ABCF1: variants seen among roughly 807,000 people sequenced by gnomAD.
The protein encoded by ABCF1 is ATP-binding cassette sub-family F member 1.
Under a neutral mutation model 126.3 loss-of-function variants are expected in ABCF1, and 73 were observed. The ratio of observed to expected loss-of-function variants is 0.58; its 90% CI spans 0.48 to 0.70. The LOEUF (loss-of-function observed/expected upper bound fraction) is 0.70. Among genes scored for constraint, ABCF1 ranks in the 30% least tolerant of loss-of-function variants. The pLI, the probability that ABCF1 is intolerant of heterozygous loss-of-function variation, is 0.00. For missense variants in ABCF1, 786 were observed against 1,057.5 expected, an observed-to-expected ratio of 0.74 and a Z score of 3.56; for synonymous variants, 345 against 396.4, an observed-to-expected ratio of 0.87 and a Z score of 1.54.
Position 30,583,510 on chromosome 6 carries a change from G to A in ABCF1, c.916-98G>A, listed in dbSNP as rs1213793868. 3.8e-6 allele frequency: 5 copies of A among 1,304,250 alleles called. No homozygotes were observed. Among genetic ancestry groups the A allele is most frequent in the Non-Finnish European group, 5.5e-6 (5 of 910,724 alleles). The allele number at this position is 1,304,250 out of a possible 1,614,324, so 80.8% of individuals were successfully genotyped here. The stretch of plus-strand genomic sequence containing the variant: ...ATGCTGGAGGTAGCGGTTTGTCAGA[G>A]GCTTCCCTGCAGGGAGAAAGTGGCC... On this transcript the variant is annotated intron_variant, in intron 10 of 24. Transcript: ENST00000326195. This position sits in a 1 kb window ranked among gnomAD's most constrained non-coding sequence, Gnocchi z 4.1.
intron 1 of ABCF1, 134 bp from the exon 2 acceptor site, chr6:30,577,275 C>A: frequency 1.3e-6 from 1 of 780,324 alleles, no homozygotes; most frequent in Non-Finnish European, 2.0e-6. Flanking sequence ...TGAGACAGTA[C>A]AAATATTTAA....
chr6:30,586,333 A>G lies in ABCF1; in HGVS notation c.1885+28A>G. ...GAGTGCCGCGGGCCTCTGCTGCTCC[A>G]CAGGAAGCACCGGAAGCATGTATGT... On this transcript the variant is annotated intron_variant, in intron 18 of 24. Coordinates refer to ENST00000326195, the MANE Select transcript of ABCF1 (RefSeq NM_001025091.2). The surrounding 1 kb of genome is among the most constrained non-coding windows in gnomAD (Gnocchi z 4.9). 1 of 1,600,370 alleles carries G rather than the reference A, an allele frequency of 6.2e-7. No individual in the cohort carries two copies. Among genetic ancestry groups the G allele is most frequent in the Non-Finnish European group, 8.5e-7 (1 of 1,172,610 alleles).
chr6:30,579,455 ATTTTTT>A (rs9281009), intron 6 of ABCF1, among the ~76,000 whole-genome samples: 3 of 112,128 alleles, frequency 2.7e-5, no homozygotes, highest in East Asian at 2.5e-4. Context: ...AGTTGGAACT[ATTTTTT>A]TTTTTTTTTT....
In ABCF1 at chr6:30,583,218, A is replaced by G. The variant is rs1313363557; in HGVS notation, c.915+30A>G. The G allele has an allele frequency of 2.9e-5, 46 of 1,585,314 alleles. No individual in the cohort carries two copies. The highest frequency in any genetic ancestry group is 3.7e-5 in the Non-Finnish European group (43 of 1,159,468). ...GGTCTCAAGGGGCCCCTTCCAGTCC[A>G]CTTACCTAGGGAAGAGCCAGTTCTC... On this transcript the variant is annotated intron_variant, in intron 10 of 24. Transcript: ENST00000326195. This position sits in a 1 kb window ranked among gnomAD's most constrained non-coding sequence, Gnocchi z 4.1.
At chr6:30,579,298 C>T (rs1319195166) in intron 6 of ABCF1, among the ~76,000 whole-genome samples, 1 of 151,968 alleles carries the variant, frequency 6.6e-6, no homozygotes, top group Non-Finnish European at 1.5e-5. Flanking sequence ...TTCTGGGTCT[C>T]ATTTTTCGTC....
chr6:30,587,731 C>G (rs1802224434), intron 20 of ABCF1, among the ~76,000 whole-genome samples: 1 of 151,762 alleles, frequency 6.6e-6, no homozygotes, highest in Admixed American at 6.6e-5. Context: ...CGACTGTAGT[C>G]CCAGCTACTC....
rs1432392472 is a variant in ABCF1, at chr6:30,586,186, A to G, written c.1766A>G (p.Lys589Arg). 1 of 1,613,942 alleles carries G rather than the reference A, an allele frequency of 6.2e-7. No individual in the cohort carries two copies. Among genetic ancestry groups the G allele is most frequent in the Non-Finnish European group, 8.5e-7 (1 of 1,179,968 alleles). The change falls in exon 18 of 25, where the codon AAA becomes AGA. Residue 589 changes from lysine (K) to arginine (R), a missense_variant. By Grantham distance (26) the Lys-to-Arg change is conservative. This residue lies in a region of ABCF1 where 288 missense variants were observed against 423.5 expected (regional missense o/e 0.68). Transcript: ENST00000326195. This position sits in a 1 kb window ranked among gnomAD's most constrained non-coding sequence, Gnocchi z 4.9. ...CGGAAGCAGCAGAAATGCCGACGGA[A>G]AAACCAAGATGAGGAATCCCAGGAG... is the stretch of plus-strand genomic sequence containing the variant. ...LTRKQQKCRR[K>R]NQDEESQEAP...
chr6:30,585,811 A>G, intron 16 of ABCF1, 68 bp from the exon 17 acceptor site: 3 of 1,555,930 alleles, frequency 1.9e-6, no homozygotes, highest in Non-Finnish European at 2.6e-6. Flanking sequence ...CATCACCACC[A>G]GTCCCTGGTT....
chr6:30,586,810 TA>T lies in ABCF1; in HGVS notation c.2031+102del, dbSNP rs377421779. ...AGGGAGCCTCTCGAGAATGTAGAGT[TA>T]AATACAGAACTCATGATAGATGATT... On this transcript the variant is annotated intron_variant, in intron 20 of 24. Coordinates refer to ENST00000326195, the MANE Select transcript of ABCF1 (RefSeq NM_001025091.2). The surrounding 1 kb of genome is among the most constrained non-coding windows in gnomAD (Gnocchi z 4.9). 1.5e-3 allele frequency: 1,903 copies of T among 1,285,916 alleles called. 22 individuals are homozygous for T. The African/African-American group carries it at 0.022, about 15-fold the overall frequency. The allele number at this position is 1,285,916 out of a possible 1,614,324, so 79.7% of individuals were successfully genotyped here. A position where few individuals can be genotyped will look rare whatever the true frequency, so the allele number is the denominator to read the frequency against.
chr6:30,579,015 A>G (rs1184078368), intron 6 of ABCF1, among the ~76,000 whole-genome samples: 1 of 152,032 alleles, frequency 6.6e-6, no homozygotes, highest in African/African-American at 2.4e-5. Context: ...AAAAACAACA[A>G]AAAAAACCAT....
intron 8 of ABCF1, among the ~76,000 whole-genome samples, chr6:30,580,891 G>A (rs1801783912): frequency 6.6e-6 from 1 of 151,832 alleles, no homozygotes; most frequent in African/African-American, 2.4e-5. Context: ...GCTCAGGCTG[G>A]TCTTGAATTT....
chr6:30,589,571 C>T (rs1204898139), intron 20 of ABCF1, 117 bp from the exon 21 acceptor site: 13 of 1,261,578 alleles, frequency 1.0e-5, no homozygotes, highest in East Asian at 2.4e-5. Flanking sequence ...CCACTGCACT[C>T]CAGCCTGGGG....
intron 20 of ABCF1, 87 bp from the exon 21 acceptor site, chr6:30,589,601 T>TC: frequency 8.5e-7 from 1 of 1,175,260 alleles, no homozygotes; most frequent in Non-Finnish European, 1.2e-6. Context: ...AGACTCCGTC[T>TC]CAAAAAAAAA....
intron 7 of ABCF1, 132 bp downstream of exon 7, chr6:30,580,137 G>T (rs1012851963): frequency 9.4e-6 from 8 of 853,174 alleles, no homozygotes; most frequent in Non-Finnish European, 1.1e-5. Context: ...ACGAGGTCAG[G>T]AGATCGAGAC....
In ABCF1 at chr6:30,586,685, C is replaced by A; in HGVS notation, c.2005C>A (p.Leu669Met). The A allele has an allele frequency of 6.2e-7, 1 of 1,613,858 alleles. No homozygotes were observed. Residue 669 changes from leucine (L) to methionine (M), a missense_variant, in exon 20 of 25, where the codon CTG (leucine) becomes ATG (methionine). Transcript: ENST00000326195. The surrounding 1 kb of genome is among the most constrained non-coding windows in gnomAD (Gnocchi z 4.9). ...TGGTGTGGGGAAGAGTACGCTACTC[C>A]TGCTGCTGACTGGCAAGCTGACACC... ...PNGVGKSTLLLLLTGKLTPTH... is the reference protein window; with the variant it reads ...PNGVGKSTLLMLLTGKLTPTH...
At chr6:30,585,366 T>C (rs1343733289) in intron 15 of ABCF1, 23 bp downstream of exon 15, 12 of 1,609,098 alleles carry the variant, frequency 7.5e-6, no homozygotes, top group South Asian at 1.1e-5. Context: ...CTTTGCATCA[T>C]TGGTTCCCAT....
chr6:30,590,050 G>A, intron 22 of ABCF1, 76 bp downstream of exon 22: 1 of 1,605,334 alleles, frequency 6.2e-7, no homozygotes, highest in South Asian at 1.1e-5. Context: ...GAGGAACCGA[G>A]AATGAGGGAG....
chr6:30,580,285 T>A, intron 7 of ABCF1, 121 bp from the exon 8 acceptor site: 1 of 783,604 alleles, frequency 1.3e-6, no homozygotes, highest in Non-Finnish European at 1.9e-6. Flanking sequence ...AGGTGGAGCT[T>A]GCAGTGAGCC....
chr6:30,586,195 A>G lies in ABCF1; in HGVS notation c.1775A>G (p.Asp592Gly), dbSNP rs1176389489. 6.2e-7 allele frequency: 1 copy of G among 1,613,930 alleles called. No homozygotes were observed. Among genetic ancestry groups the G allele is most frequent in the Non-Finnish European group, 8.5e-7 (1 of 1,179,962 alleles). ...CAGAAATGCCGACGGAAAAACCAAG[A>G]TGAGGAATCCCAGGAGGCCCCTGAG... is the stretch of plus-strand genomic sequence containing the variant. Reference protein sequence around the residue: ...KQQKCRRKNQDEESQEAPELL... With the variant: ...KQQKCRRKNQGEESQEAPELL... The change falls in exon 18 of 25, where the codon GAT becomes GGT. Residue 592 changes from aspartate (D) to glycine (G), a missense_variant. Coordinates refer to ENST00000326195, the MANE Select transcript of ABCF1 (RefSeq NM_001025091.2). This position sits in a 1 kb window ranked among gnomAD's most constrained non-coding sequence, Gnocchi z 4.9.
Sources: allele counts gnomAD v4.1 joint callset (sites outside exome capture counted in the v4.1 genomes callset), GRCh38; gene constraint gnomAD v4.1.1; regional missense constraint gnomAD v4.1.1; non-coding constraint Gnocchi (gnomAD v3.1); transcripts MANE v1.5; gene names NCBI Gene and HGNC (gene_info 2026-07-23, HGNC 2026-07-21).